The following RAP1A variants were observed in gnomAD, a reference collection of about 807,000 sequenced individuals.
RAP1A encodes ras-related protein Rap-1A.
Under a neutral mutation model 26.4 loss-of-function variants are expected in RAP1A, and 6 were observed. The observed-to-expected ratio is 0.23, with a 90% CI of 0.12 to 0.45. RAP1A has a LOEUF of 0.45. Among genes scored for constraint, RAP1A ranks in the 20% least tolerant of loss-of-function variants. RAP1A has a pLI of 0.99. For synonymous variants in RAP1A, 73 were observed against 79.4 expected, an observed-to-expected ratio of 0.92 and a Z score of 0.43; for missense variants, 121 against 217.2, an observed-to-expected ratio of 0.56 and a Z score of 2.78.
intron 1 of RAP1A, among the ~76,000 whole-genome samples, chr1:111,650,086 T>G (rs2101133748): frequency 7.1e-6 from 1 of 140,154 alleles, no homozygotes; most frequent in East Asian, 2.3e-4. Context: ...TGTGGAGTGG[T>G]AGAGTGCTTT....
chr1:111,587,140 G>A (rs949092217), intron 1 of RAP1A, among the ~76,000 whole-genome samples: 1 of 151,934 alleles, frequency 6.6e-6, no homozygotes, highest in African/African-American at 2.4e-5. Flanking sequence ...CCTGCATATC[G>A]ACTTCCTGCC....
At chr1:111,620,035 T>C in intron 1 of RAP1A, 101 bp downstream of exon 1, 1 of 393,970 alleles carries the variant, frequency 2.5e-6, no homozygotes, top group Non-Finnish European at 4.5e-6. Flanking sequence ...GTCAGTCGCC[T>C]GGCTCCCCCT....
chr1:111,589,137 A>G (rs1042282575), intron 1 of RAP1A, among the ~76,000 whole-genome samples: 9 of 152,360 alleles, frequency 5.9e-5, no homozygotes, highest in African/African-American at 1.4e-4. Context: ...ATTTTAAGTG[A>G]AGAAACTAAT....
chr1:111,656,408 T>G (rs1011871126), intron 1 of RAP1A, among the ~76,000 whole-genome samples: 7 of 152,230 alleles, frequency 4.6e-5, no homozygotes, highest in African/African-American at 7.2e-5. Flanking sequence ...AAACCCTTTT[T>G]GAAACCACAT....
At chr1:111,554,628 C>A (rs1415047934) in intron 1 of RAP1A, among the ~76,000 whole-genome samples, 5 of 152,296 alleles carry the variant, frequency 3.3e-5, no homozygotes, top group African/African-American at 1.2e-4. Flanking sequence ...CACACATATA[C>A]CCCTCAAAGG....
At chr1:111,579,949 A>G (rs935987022) in intron 1 of RAP1A, among the ~76,000 whole-genome samples, 1 of 152,066 alleles carries the variant, frequency 6.6e-6, no homozygotes, top group East Asian at 1.9e-4. Context: ...ATCACCATGC[A>G]TGTCTGGCTA....
At chr1:111,688,857 CA>C (rs1661582713) in intron 1 of RAP1A, among the ~76,000 whole-genome samples, 1 of 140,278 alleles carries the variant, frequency 7.1e-6, no homozygotes, top group Non-Finnish European at 1.5e-5. Context: ...GTTTTTGAGA[CA>C]GGGTCTCACT....
intron 1 of RAP1A, among the ~76,000 whole-genome samples, chr1:111,602,552 T>G (rs1658693497): frequency 6.6e-6 from 1 of 152,204 alleles, no homozygotes; most frequent in African/African-American, 2.4e-5. Flanking sequence ...GGTGGTGTGT[T>G]GGTTTATTTT....
intron 1 of RAP1A, among the ~76,000 whole-genome samples, chr1:111,633,809 G>A (rs1356166509): frequency 6.6e-6 from 1 of 152,128 alleles, no homozygotes; most frequent in Non-Finnish European, 1.5e-5. Context: ...AGAAACCATG[G>A]GTTGGAGGGT....
chr1:111,676,343 T>A (rs181972427), intron 1 of RAP1A, among the ~76,000 whole-genome samples: 1 of 152,062 alleles, frequency 6.6e-6, no homozygotes, highest in Non-Finnish European at 1.5e-5. Context: ...AGAGAGAGAC[T>A]CTGTCTCAAA....
At chr1:111,584,259 T>C (rs1658319719) in intron 1 of RAP1A, among the ~76,000 whole-genome samples, 1 of 152,176 alleles carries the variant, frequency 6.6e-6, no homozygotes, top group South Asian at 2.1e-4. Context: ...CACAGATTAA[T>C]TTTACCACCA....
At chr1:111,683,345 AC>A (rs1379533003) in intron 1 of RAP1A, among the ~76,000 whole-genome samples, 1 of 144,960 alleles carries the variant, frequency 6.9e-6, no homozygotes, top group African/African-American at 2.9e-5. Context: ...AGATAGAGAC[AC>A]AAAAAAAACC....
At chr1:111,692,524 A>G (rs1393588324) in intron 2 of RAP1A, among the ~76,000 whole-genome samples, 1 of 152,214 alleles carries the variant, frequency 6.6e-6, no homozygotes, top group East Asian at 1.9e-4. Flanking sequence ...TAGCCCACAT[A>G]TAAGTTCACA....
chr1:111,611,088 A>G (rs1658920046), intron 1 of RAP1A, among the ~76,000 whole-genome samples: 1 of 152,252 alleles, frequency 6.6e-6, no homozygotes, highest in Non-Finnish European at 1.5e-5. Context: ...TGATCTACAC[A>G]GAGTGCAGAA....
At chr1:111,602,651 G>C (rs1658695361) in intron 1 of RAP1A, among the ~76,000 whole-genome samples, 1 of 152,100 alleles carries the variant, frequency 6.6e-6, no homozygotes, top group Non-Finnish European at 1.5e-5. Context: ...AGTGAACATT[G>C]TTCATCCTTC....
At chr1:111,543,362 G>A (rs1656914453) in intron 1 of RAP1A, among the ~76,000 whole-genome samples, 2 of 151,956 alleles carry the variant, frequency 1.3e-5, no homozygotes, top group African/African-American at 2.4e-5. Flanking sequence ...AGGGAGATTC[G>A]CTGCCAAAAG....
intron 1 of RAP1A, among the ~76,000 whole-genome samples, chr1:111,674,685 C>T (rs1223622377): frequency 6.6e-6 from 1 of 152,210 alleles, no homozygotes; most frequent in Non-Finnish European, 1.5e-5. Context: ...AGGCTATCAA[C>T]CACTTACTTG....
chr1:111,675,448 G>C (rs1220788781), intron 1 of RAP1A, among the ~76,000 whole-genome samples: 1 of 151,980 alleles, frequency 6.6e-6, no homozygotes, highest in African/African-American at 2.4e-5. Context: ...CTCCAGCCTG[G>C]GCGACAGAGT....
At chr1:111,696,594 G>A (rs1436479270) in intron 3 of RAP1A, among the ~76,000 whole-genome samples, 7 of 152,172 alleles carry the variant, frequency 4.6e-5, no homozygotes, top group Non-Finnish European at 7.3e-5. Context: ...CTTTAGGTTA[G>A]CACATTTATT....
Sources: allele counts gnomAD v4.1 joint callset (sites outside exome capture counted in the v4.1 genomes callset), GRCh38; gene constraint gnomAD v4.1.1; transcripts MANE v1.5; gene names NCBI Gene and HGNC (gene_info 2026-07-23, HGNC 2026-07-21).